The following MMP26 variants were observed in gnomAD, a reference collection of about 807,000 sequenced individuals.
MMP26 encodes matrix metalloproteinase-26.
A neutral mutation model predicts 31.0 loss-of-function variants in MMP26; 33 were observed. That is an observed-to-expected ratio of 1.06 (90% CI 0.81 to 1.42). The LOEUF is 1.42. MMP26 is among the 40% of genes most tolerant of loss of function. The pLI, the probability that MMP26 is intolerant of heterozygous loss-of-function variation, is 0.00. For synonymous variants in MMP26, 122 were observed against 114.9 expected (o/e 1.06, Z -0.40); for missense variants, 347 against 316.1 (o/e 1.10, Z -0.74).
At chr11:4,779,107 T>C (rs1051841840) in intron 2 of MMP26, among the ~76,000 whole-genome samples, 10 of 152,058 alleles carry the variant, frequency 6.6e-5, no homozygotes, top group Non-Finnish European at 1.5e-4. Context: ...TTACTTTTCT[T>C]GCCTCATTTC....
chr11:4,923,730 C>T, intron 2 of MMP26: 1 of 1,614,020 alleles, frequency 6.2e-7, no homozygotes, highest in Non-Finnish European at 8.5e-7. Flanking sequence ...CAGGCCACAA[C>T]AAAGAGCCCA....
At chr11:4,875,444 T>C (rs749939322) in intron 2 of MMP26, 2 of 152,144 alleles carry the variant, frequency 1.3e-5, no homozygotes, top group African/African-American at 2.4e-5. Flanking sequence ...TGGGTCTCAC[T>C]GGGCTAAAAC....
At chr11:4,748,932 A>G (rs991620262) in intron 1 of MMP26, among the ~76,000 whole-genome samples, 2 of 152,084 alleles carry the variant, frequency 1.3e-5, no homozygotes, top group African/African-American at 4.8e-5. Flanking sequence ...TAGTACTGGA[A>G]GTCCTAGTCA....
chr11:4,816,870 AT>A (rs11443728), intron 2 of MMP26, among the ~76,000 whole-genome samples: 24 of 144,160 alleles, frequency 1.7e-4, no homozygotes, highest in South Asian at 2.2e-4. Flanking sequence ...CGCCCGGCTA[AT>A]TTTTTTTTTT....
intron 1 of MMP26, among the ~76,000 whole-genome samples, chr11:4,754,154 C>T (rs1431243088): frequency 6.7e-6 from 1 of 149,074 alleles, no homozygotes; most frequent in Non-Finnish European, 1.5e-5. Flanking sequence ...GGATAAATTG[C>T]CAAAGTTCAT....
intron 2 of MMP26, among the ~76,000 whole-genome samples, chr11:4,927,937 T>A (rs1851295618): frequency 6.6e-6 from 1 of 152,116 alleles, no homozygotes; most frequent in South Asian, 2.1e-4. Context: ...CAAGGGATAC[T>A]AAATGATACT....
chr11:4,847,018 G>A (rs1849880358), intron 2 of MMP26, among the ~76,000 whole-genome samples: 1 of 152,116 alleles, frequency 6.6e-6, no homozygotes. Flanking sequence ...CTCTGAATTT[G>A]GCTCAGGTTT....
chr11:4,833,486 T>C (rs1168745458), intron 2 of MMP26, among the ~76,000 whole-genome samples: 2 of 152,250 alleles, frequency 1.3e-5, no homozygotes, highest in African/African-American at 4.8e-5. Flanking sequence ...CATTGTGATT[T>C]ACATTAAACT....
chr11:4,900,926 T>C (rs1276863405), intron 2 of MMP26, among the ~76,000 whole-genome samples: 2 of 152,170 alleles, frequency 1.3e-5, no homozygotes, highest in Admixed American at 6.5e-5. Flanking sequence ...GTATTTCTCC[T>C]AAGTACTATC....
At chr11:4,800,492 C>T (rs1324676968) in intron 2 of MMP26, among the ~76,000 whole-genome samples, 4 of 152,186 alleles carry the variant, frequency 2.6e-5, no homozygotes, top group Non-Finnish European at 1.5e-5. Context: ...TTTTTTCTTC[C>T]TGGGCCTCTA....
At chr11:4,820,169 A>T (rs1849475960) in intron 2 of MMP26, among the ~76,000 whole-genome samples, 1 of 152,174 alleles carries the variant, frequency 6.6e-6, no homozygotes, top group Non-Finnish European at 1.5e-5. Context: ...AGCTTTACTG[A>T]GTGAAGGCAT....
At chr11:4,813,015 G>GTATATATATATATA (rs36076505) in intron 2 of MMP26, among the ~76,000 whole-genome samples, 3 of 147,640 alleles carry the variant, frequency 2.0e-5, no homozygotes, top group African/African-American at 7.4e-5. Context: ...GTGTGTGTAT[G>GTATATATATATATA]TATATATATA....
chr11:4,764,637 G>C (rs547140019), intron 1 of MMP26, among the ~76,000 whole-genome samples: 107 of 152,320 alleles, frequency 7.0e-4, no homozygotes, highest in African/African-American at 2.5e-3. Context: ...TTGGGAGGCC[G>C]AGGCGGGTGG....
chr11:4,976,557 T>C (rs1002632908), intron 2 of MMP26, among the ~76,000 whole-genome samples: 1 of 151,938 alleles, frequency 6.6e-6, no homozygotes, highest in Non-Finnish European at 1.5e-5. Context: ...ATAAAGCCAC[T>C]CAAATCCCGG....
intron 2 of MMP26, among the ~76,000 whole-genome samples, chr11:4,869,203 C>T (rs1850278725): frequency 6.6e-6 from 1 of 152,062 alleles, no homozygotes; most frequent in Admixed American, 6.6e-5. Context: ...CAACAAAAGC[C>T]AAAATGGACA....
At position 4,834,313 on chromosome 11, in the gene MMP26, C is replaced by T. The variant is rs148356358; in HGVS notation, c.-145+66972C>T. ...ATCTGCACCACTGTGGCCAAGTAGA[C>T]ACCCAAATAACTTTAATACCTGAGC... On this transcript the variant is annotated intron_variant, in intron 2 of 7. Transcript: ENST00000380390. 4.6e-3 allele frequency among the ~76,000 whole-genome samples: 700 copies of T among 152,238 alleles called. 2 individuals are homozygous for T. Among genetic ancestry groups the T allele is most frequent in the Non-Finnish European group, 7.6e-3 (517 of 68,010 alleles).
At chr11:4,734,294 CCTT>C (rs1287948471) in intron 1 of MMP26, among the ~76,000 whole-genome samples, 1 of 152,092 alleles carries the variant, frequency 6.6e-6, no homozygotes, top group Non-Finnish European at 1.5e-5. Context: ...TCCATGTTTT[CCTT>C]CTTGAGAAGT....
intron 2 of MMP26, chr11:4,907,559 G>A: frequency 6.2e-7 from 1 of 1,613,920 alleles, no homozygotes; most frequent in Non-Finnish European, 8.5e-7. Context: ...TTATTTCCTT[G>A]CCATGTTGGC....
intron 2 of MMP26, among the ~76,000 whole-genome samples, chr11:4,910,377 C>A (rs1354140304): frequency 6.6e-6 from 1 of 152,082 alleles, no homozygotes; most frequent in Non-Finnish European, 1.5e-5. Flanking sequence ...GGTTTTGAAT[C>A]TTAATCAGTC....
Sources: allele counts gnomAD v4.1 joint callset (sites outside exome capture counted in the v4.1 genomes callset), GRCh38; gene constraint gnomAD v4.1.1; transcripts MANE v1.5; gene names NCBI Gene and HGNC (gene_info 2026-07-23, HGNC 2026-07-21).